Variants in DPP10 observed in about 807,000 individuals in gnomAD.
The protein encoded by DPP10 is inactive dipeptidyl peptidase 10.
DPP10 carries 33 observed loss-of-function variants against 120.9 expected under a neutral mutation model. That is an observed-to-expected ratio of 0.27 (90% CI 0.21 to 0.37). DPP10 has a LOEUF of 0.37. Ranked by LOEUF, DPP10 falls within the 10% of genes least tolerant of loss-of-function variation. The pLI, the probability that DPP10 is intolerant of heterozygous loss-of-function variation, is 1.00. For synonymous variants in DPP10, 337 were observed against 326.1 expected (o/e 1.03, Z -0.36); for missense variants, 816 against 942.8 (o/e 0.87, Z 1.76).
intron 19 of DPP10, among the ~76,000 whole-genome samples, chr2:115,812,583 C>G (rs1484031145): frequency 6.6e-6 from 1 of 151,890 alleles, no homozygotes; most frequent in Non-Finnish European, 1.5e-5. Context: ...ATGATCTGAT[C>G]AAGAGCCAAG....
intron 1 of DPP10, among the ~76,000 whole-genome samples, chr2:115,111,878 GTT>G (rs2049241927): frequency 6.6e-6 from 1 of 152,170 alleles, no homozygotes; most frequent in East Asian, 1.9e-4. Flanking sequence ...TCCTCAAAGT[GTT>G]TCTTCATTGT....
At chr2:114,557,478 A>C (rs80303340) in intron 1 of DPP10, among the ~76,000 whole-genome samples, 234 of 152,352 alleles carry the variant, frequency 1.5e-3, no homozygotes, top group African/African-American at 5.5e-3. Context: ...AAATGGCTTC[A>C]GAAAGCTGCA....
At chr2:115,536,291 A>T (rs867861853) in intron 5 of DPP10, among the ~76,000 whole-genome samples, 7 of 151,992 alleles carry the variant, frequency 4.6e-5, no homozygotes, top group Admixed American at 6.6e-5. Flanking sequence ...ACTATCATGA[A>T]CATTCCACTA....
At chr2:115,282,461 C>A (rs1368271471) in intron 1 of DPP10, among the ~76,000 whole-genome samples, 1 of 151,984 alleles carries the variant, frequency 6.6e-6, no homozygotes, top group Non-Finnish European at 1.5e-5. Context: ...CCCATCAAAT[C>A]TTTTATCCCC....
chr2:115,083,309 A>G (rs997592898), intron 1 of DPP10, among the ~76,000 whole-genome samples: 3 of 152,154 alleles, frequency 2.0e-5, no homozygotes, highest in Non-Finnish European at 4.4e-5. Flanking sequence ...CTCTTCCTGC[A>G]TTAAAGTCCT....
intron 1 of DPP10, among the ~76,000 whole-genome samples, chr2:114,681,583 C>T (rs898509587): frequency 3.3e-5 from 5 of 151,946 alleles, no homozygotes; most frequent in African/African-American, 9.7e-5. Context: ...AATGAAATGC[C>T]TCCTGTAACA....
chr2:115,262,390 G>A (rs2059291229), intron 1 of DPP10, among the ~76,000 whole-genome samples: 1 of 151,442 alleles, frequency 6.6e-6, no homozygotes, highest in Admixed American at 6.6e-5. Flanking sequence ...TTTAAAATAT[G>A]TTCTCATTTT....
chr2:114,497,309 A>G (rs547243610), intron 1 of DPP10, among the ~76,000 whole-genome samples: 2 of 38,702 alleles, frequency 5.2e-5, no homozygotes, highest in African/African-American at 1.1e-4. Flanking sequence ...ATACGTGTAT[A>G]CATGTACATG....
At chr2:115,553,745 C>T (rs2080024359) in intron 5 of DPP10, among the ~76,000 whole-genome samples, 1 of 151,668 alleles carries the variant, frequency 6.6e-6, no homozygotes, top group African/African-American at 2.4e-5. Flanking sequence ...ACACCACAAC[C>T]ATGATTTGGA....
rs151126682 is a variant in DPP10 at position 115,744,080 on chromosome 2, C to T, written c.853-2006C>T. ...AAGGTCAATGTTTTATTAAAATTTG[C>T]ACACTCACTATCTGGGAATTTTGTA... On this transcript the variant is annotated intron_variant, in intron 9 of 25. Coordinates refer to ENST00000410059, the MANE Select transcript of DPP10 (RefSeq NM_020868.6). Among the ~76,000 whole-genome samples the T allele has an allele frequency of 4.9e-4, 74 of 150,768 alleles. 3 individuals are homozygous for T. Among genetic ancestry groups the T allele is most frequent in the African/African-American group, 1.4e-3 (58 of 41,510 alleles).
intron 1 of DPP10, among the ~76,000 whole-genome samples, chr2:114,939,732 G>C (rs908746383): frequency 1.3e-5 from 2 of 151,998 alleles, no homozygotes; most frequent in Non-Finnish European, 2.9e-5. Flanking sequence ...TAGAACTTGT[G>C]TTCACATGTC....
chr2:114,692,322 G>GCCTAAATTTCATTGTTTAC (rs1186351724), intron 1 of DPP10, among the ~76,000 whole-genome samples: 1 of 152,010 alleles, frequency 6.6e-6, no homozygotes. Context: ...GTTGATGTCT[G>GCCTAAATTTCATTGTTTAC]CCTAAATTTC....
intron 3 of DPP10, among the ~76,000 whole-genome samples, chr2:115,458,731 G>C (rs760843485): frequency 6.6e-6 from 1 of 152,032 alleles, no homozygotes; most frequent in African/African-American, 2.4e-5. Flanking sequence ...TGATATAGAG[G>C]ACTAGAAAGA....
chr2:115,465,185 A>G (rs556390410), intron 3 of DPP10, among the ~76,000 whole-genome samples: 1 of 152,338 alleles, frequency 6.6e-6, no homozygotes, highest in East Asian at 1.9e-4. Flanking sequence ...GACACTTTGT[A>G]AGTTGTAGTA....
At chr2:115,753,038 T>C in intron 10 of DPP10, 136 bp from the exon 11 acceptor site, 5 of 615,966 alleles carry the variant, frequency 8.1e-6, no homozygotes, top group Non-Finnish European at 1.3e-5. Flanking sequence ...TCTATCTATC[T>C]ATACATAAAT....
intron 1 of DPP10, among the ~76,000 whole-genome samples, chr2:115,179,338 A>G (rs908254778): frequency 2.0e-5 from 3 of 152,176 alleles, no homozygotes; most frequent in Non-Finnish European, 2.9e-5. Context: ...CTAGTAATGG[A>G]CATAATCCCG....
At chr2:115,400,390 C>A (rs543585550) in intron 3 of DPP10, among the ~76,000 whole-genome samples, 3 of 151,822 alleles carry the variant, frequency 2.0e-5, no homozygotes. Context: ...GGACTTCTAG[C>A]TTTGGCAGCA....
chr2:115,739,990 G>A, intron 9 of DPP10, 97 bp downstream of exon 9: 1 of 1,397,264 alleles, frequency 7.2e-7, no homozygotes, highest in Non-Finnish European at 9.9e-7. Context: ...TGTCTTTGGA[G>A]GAAAACAGAA....
intron 1 of DPP10, among the ~76,000 whole-genome samples, chr2:114,491,796 G>A (rs1682026541): frequency 1.3e-5 from 2 of 152,130 alleles, no homozygotes; most frequent in Admixed American, 6.5e-5. Flanking sequence ...AGATCACCTT[G>A]GAAGGCAAAT....
Sources: allele counts gnomAD v4.1 joint callset (sites outside exome capture counted in the v4.1 genomes callset), GRCh38; gene constraint gnomAD v4.1.1; transcripts MANE v1.5; gene names NCBI Gene and HGNC (gene_info 2026-07-23, HGNC 2026-07-21).